The following FAAH2 variants were observed in gnomAD, a reference collection of about 807,000 sequenced individuals.
FAAH2 encodes the protein fatty acid amide hydrolase 2, also known as fatty-acid amide hydrolase 2.
Under a neutral mutation model 36.9 loss-of-function variants are expected in FAAH2, and 60 were observed. That is an observed-to-expected ratio of 1.63 (90% CI 1.32 to 2.02). FAAH2 has a LOEUF of 2.02. Among genes scored for constraint, FAAH2 ranks in the 30% most tolerant of loss-of-function variants. FAAH2 has a pLI of 0.00. For synonymous variants in FAAH2, 214 were observed against 143.8 expected (o/e 1.49, Z -3.49); for missense variants, 689 against 397.5 (o/e 1.73, Z -6.23).
intron 6 of FAAH2, 148 bp downstream of exon 6, chrX:57,378,934 T>A: frequency 1.6e-6 from 1 of 618,206 alleles, no homozygotes; most frequent in Non-Finnish European, 2.4e-6. Flanking sequence ...CTTATATAAG[T>A]GGATACCATG....
At chrX:57,261,428 C>T in the FAAH2 span, among the ~76,000 whole-genome samples, 1 of 108,078 alleles carries the variant, frequency 9.3e-6, no homozygotes, top group Non-Finnish European at 1.9e-5. Context: ...TGGTGCGTTC[C>T]TGTAATCCCA....
chrX:57,263,408 A>G, the FAAH2 span, among the ~76,000 whole-genome samples: 1 of 111,813 alleles, frequency 8.9e-6, no homozygotes, highest in Non-Finnish European at 1.9e-5. Flanking sequence ...GGACCTGTTT[A>G]CTGAAAACTA....
At chrX:57,457,451 G>A (rs189878800) in intron 10 of FAAH2, among the ~76,000 whole-genome samples, 128 of 106,237 alleles carry the variant, frequency 1.2e-3, no homozygotes, top group African/African-American at 3.9e-3. Context: ...GCTAGCCAGC[G>A]CAATGAAGAA....
chrX:57,246,520 C>G, the FAAH2 span, among the ~76,000 whole-genome samples: 1 of 111,673 alleles, frequency 9.0e-6, no homozygotes, highest in Non-Finnish European at 1.9e-5. Context: ...AGCTTATCGA[C>G]CATGATCAAT....
At chrX:57,301,136 C>T (rs1211461600) in intron 2 of FAAH2, among the ~76,000 whole-genome samples, 1 of 108,876 alleles carries the variant, frequency 9.2e-6, no homozygotes, top group Non-Finnish European at 1.9e-5. Context: ...GATTATAAAT[C>T]ATGCTGCTAT....
chrX:57,369,259 T>C (rs1482939147), intron 5 of FAAH2, among the ~76,000 whole-genome samples: 1 of 111,109 alleles, frequency 9.0e-6, no homozygotes, highest in African/African-American at 3.3e-5. Context: ...AACAAACTTC[T>C]GCATTCTAGA....
the FAAH2 span, among the ~76,000 whole-genome samples, chrX:57,220,802 C>T: frequency 3.6e-5 from 4 of 111,652 alleles, no homozygotes; most frequent in Non-Finnish European, 5.6e-5. Context: ...CTGCGGAGAA[C>T]CCCACTGGAA....
the FAAH2 span, among the ~76,000 whole-genome samples, chrX:57,255,459 A>G: frequency 8.9e-6 from 1 of 112,030 alleles, no homozygotes; most frequent in Non-Finnish European, 1.9e-5. Context: ...AAAGCCTGGC[A>G]GAGACACAAC....
At chrX:57,424,043 C>T (rs775287868) in intron 7 of FAAH2, among the ~76,000 whole-genome samples, 3 of 111,577 alleles carry the variant, frequency 2.7e-5, no homozygotes, top group Non-Finnish European at 3.8e-5. Flanking sequence ...CCTTCATTGC[C>T]CACACAACCC....
chrX:57,250,935 G>A, the FAAH2 span, among the ~76,000 whole-genome samples: 1 of 111,506 alleles, frequency 9.0e-6, no homozygotes, highest in South Asian at 3.7e-4. Context: ...AACATCTAAA[G>A]AAGAATTAAA....
intron 5 of FAAH2, among the ~76,000 whole-genome samples, chrX:57,372,438 C>A (rs899440230): frequency 1.8e-5 from 2 of 110,965 alleles, no homozygotes; most frequent in Non-Finnish European, 3.8e-5. Flanking sequence ...TAGTTGGATA[C>A]TTCTATATCT....
chrX:57,394,482 T>C lies in FAAH2; in HGVS notation c.996+13453T>C, dbSNP rs975607468. The stretch of plus-strand genomic sequence containing the variant: ...GGCTTCGGTTTACAAGATCGTGATA[T>C]ATCAATGTCACTTGGAACAGGTGTC... On this transcript the variant is annotated intron_variant, in intron 7 of 10. Coordinates refer to ENST00000374900, the MANE Select transcript of FAAH2 (RefSeq NM_174912.4). 6 of 1,202,557 alleles carry C rather than the reference T, an allele frequency of 5.0e-6. No individual in the cohort carries two copies. The African/African-American group carries it at 1.1e-4, about 21-fold the overall frequency.
intron 6 of FAAH2, 133 bp downstream of exon 6, chrX:57,378,919 A>G: frequency 1.4e-6 from 1 of 691,442 alleles, no homozygotes; most frequent in South Asian, 2.8e-5. Flanking sequence ...GAGAGCCTTT[A>G]TATACTTATA....
At chrX:57,385,715 C>G (rs2055003162) in intron 7 of FAAH2, among the ~76,000 whole-genome samples, 1 of 111,686 alleles carries the variant, frequency 9.0e-6, no homozygotes, top group Non-Finnish European at 1.9e-5. Context: ...GCCATCCTGG[C>G]TAACACGGTG....
the FAAH2 span, among the ~76,000 whole-genome samples, chrX:57,146,733 T>C: frequency 7.1e-5 from 8 of 112,230 alleles, no homozygotes; most frequent in African/African-American, 2.6e-4. Context: ...CATTCAGGTA[T>C]GTCTCTTCTA....
At chrX:57,257,405 A>G in the FAAH2 span, among the ~76,000 whole-genome samples, 1 of 111,561 alleles carries the variant, frequency 9.0e-6, no homozygotes, top group Non-Finnish European at 1.9e-5. Context: ...GACATGGATG[A>G]AGCTGGAAAC....
At chrX:57,193,382 C>A in the FAAH2 span, among the ~76,000 whole-genome samples, 1 of 111,847 alleles carries the variant, frequency 8.9e-6, no homozygotes, top group African/African-American at 3.2e-5. Flanking sequence ...GACAATGGTG[C>A]CTGAAACTTC....
chrX:57,425,133 C>G (rs949630467), intron 7 of FAAH2, among the ~76,000 whole-genome samples: 8 of 111,240 alleles, frequency 7.2e-5, no homozygotes, highest in African/African-American at 2.3e-4. Flanking sequence ...TAAAGAATCT[C>G]AGAACTTGAA....
intron 10 of FAAH2, among the ~76,000 whole-genome samples, chrX:57,487,265 G>A (rs1450602808): frequency 2.8e-5 from 3 of 107,588 alleles, no homozygotes; most frequent in Non-Finnish European, 5.8e-5. Context: ...GGCAATAAAA[G>A]AAAGCATGAT....
Sources: allele counts gnomAD v4.1 joint callset (sites outside exome capture counted in the v4.1 genomes callset), GRCh38; gene constraint gnomAD v4.1.1; transcripts MANE v1.5; gene names NCBI Gene and HGNC (gene_info 2026-07-23, HGNC 2026-07-21).